Variants in PLEKHG1 observed in about 807,000 individuals in gnomAD.
PLEKHG1 encodes pleckstrin homology and RhoGEF domain containing G1.
Under a neutral mutation model 100.8 loss-of-function variants are expected in PLEKHG1, and 44 were observed. That is an observed-to-expected ratio of 0.44 (90% CI 0.34 to 0.56). PLEKHG1 has a LOEUF of 0.56. Ranked by LOEUF, PLEKHG1 falls within the 20% of genes least tolerant of loss-of-function variation. The pLI is 0.01. For missense variants in PLEKHG1, 1,545 were observed against 1,720.9 expected (o/e 0.90, Z 1.81); for synonymous variants, 640 against 662.5 (o/e 0.97, Z 0.52).
In PLEKHG1 at chr6:150,800,709, C is replaced by A; in HGVS notation, c.630-10C>A. Reference sequence around the variant, plus strand: ...TACAATTTAGATAAAAACATGGACTCTTCCTGCAGGTCCGTGGCTGTGCTA... The same window carrying A: ...TACAATTTAGATAAAAACATGGACTATTCCTGCAGGTCCGTGGCTGTGCTA... On this transcript the variant is annotated splice_polypyrimidine_tract_variant and intron_variant, in intron 5 of 15. Coordinates refer to ENST00000358517, the Ensembl canonical transcript of PLEKHG1. The A allele has an allele frequency of 6.2e-7, 1 of 1,612,094 alleles. No individual in the cohort carries two copies. Among genetic ancestry groups the A allele is most frequent in the Non-Finnish European group, 8.5e-7 (1 of 1,178,828 alleles).
Position 150,599,999 on chromosome 6 carries a change from C to T in PLEKHG1, c.-222C>T, listed in dbSNP as rs1776261208. The T allele has an allele frequency of 8.4e-6, 2 of 238,564 alleles. No individual in the cohort carries two copies. The highest frequency in any genetic ancestry group is 1.8e-5 in the Non-Finnish European group (2 of 111,292). The allele number at this position is 238,564 out of a possible 1,614,324, so 14.8% of individuals were successfully genotyped here. A position where few individuals can be genotyped will look rare whatever the true frequency, so the allele number is the denominator to read the frequency against. On this transcript the variant is annotated 5_prime_UTR_variant, in exon 1 of 4. An upstream open reading frame in the 5' UTR gains an earlier in-frame stop. Coordinates refer to the PLEKHG1 transcript ENST00000367326. ...GACCTGCGAGCGCCGCCCGGGCATGCGAAGCCGTCCCTCCCCGGGTAAGCG... is the reference window on the plus strand; with the variant it reads ...GACCTGCGAGCGCCGCCCGGGCATGTGAAGCCGTCCCTCCCCGGGTAAGCG...
chr6:150,753,433 C>T (rs968903659), intron 2 of PLEKHG1, among the ~76,000 whole-genome samples: 4 of 152,156 alleles, frequency 2.6e-5, no homozygotes, highest in Non-Finnish European at 4.4e-5. Context: ...ATGGGGCTTA[C>T]GGTGATGCCC....
chr6:150,603,012 G>A (rs551755782), intron 1 of PLEKHG1, among the ~76,000 whole-genome samples: 52 of 146,890 alleles, frequency 3.5e-4, no homozygotes, highest in Middle Eastern at 3.6e-3. Flanking sequence ...ACCCCGGGGG[G>A]CGGAGCCTGC....
intron 2 of PLEKHG1, among the ~76,000 whole-genome samples, chr6:150,759,264 A>T (rs1261188805): frequency 1.3e-5 from 2 of 152,214 alleles, no homozygotes; most frequent in Non-Finnish European, 2.9e-5. Flanking sequence ...ATATGAAAAC[A>T]TGAAGGCAGT....
At chr6:150,780,278 G>A (rs1288857631) in intron 3 of PLEKHG1, among the ~76,000 whole-genome samples, 1 of 151,598 alleles carries the variant, frequency 6.6e-6, no homozygotes, top group Non-Finnish European at 1.5e-5. Flanking sequence ...ACCACACCTG[G>A]CTAATTTTTG....
rs529328365 is a variant in PLEKHG1 at position 150,721,534 on chromosome 6, C to CT, written c.-99+335dup. ...GATGTATCTGACTCTGGGGAGAACT[C>CT]TAAAATCCTCAGTTGTCACGCGCCG... On this transcript the variant is annotated intron_variant, in intron 1 of 15. Coordinates refer to ENST00000358517, the Ensembl canonical transcript of PLEKHG1. Among the ~76,000 whole-genome samples the CT allele has an allele frequency of 1.2e-3, 181 of 152,306 alleles. No individual in the cohort carries two copies. The Middle Eastern group carries it at 0.014, about 11-fold the overall frequency.
chr6:150,805,699 G>T (rs1001700905), intron 7 of PLEKHG1, among the ~76,000 whole-genome samples: 1 of 151,912 alleles, frequency 6.6e-6, no homozygotes, highest in Non-Finnish European at 1.5e-5. Flanking sequence ...GGCTCATTTT[G>T]TATTTTTAGT....
At position 150,650,078 on chromosome 6, in the gene PLEKHG1, GA is replaced by G. The variant is rs530126034; in HGVS notation, c.-157-640del. On this transcript the variant is annotated intron_variant, in intron 2 of 3. Coordinates refer to the PLEKHG1 transcript ENST00000367326. ...TGTCTCAAAAAAAAAAAAAAAGAAAGAAAAAAAAAACCAAAACAGTGACCAG... is the reference window on the plus strand; with the variant it reads ...TGTCTCAAAAAAAAAAAAAAAGAAAGAAAAAAAAACCAAAACAGTGACCAG... Among the ~76,000 whole-genome samples the G allele has an allele frequency of 7.2e-3, 1,019 of 140,612 alleles. 13 individuals carry two copies. The highest frequency in any genetic ancestry group is 0.023 in the African/African-American group (877 of 38,490). The allele number at this position is 140,612 out of a possible 152,430, so 92.2% of individuals were successfully genotyped here. A position where few individuals can be genotyped will look rare whatever the true frequency, so the allele number is the denominator to read the frequency against.
chr6:150,817,502 C>T (rs1444500180), intron 10 of PLEKHG1, among the ~76,000 whole-genome samples: 2 of 151,452 alleles, frequency 1.3e-5, no homozygotes, highest in East Asian at 1.9e-4. Context: ...TACCAGGCTC[C>T]GTGCCTTGAG....
intron 14 of PLEKHG1, among the ~76,000 whole-genome samples, chr6:150,830,013 G>A (rs1024981296): frequency 6.6e-6 from 1 of 152,166 alleles, no homozygotes; most frequent in African/African-American, 2.4e-5. Flanking sequence ...ATGAATATTT[G>A]CCAAATGTAC....
intron 3 of PLEKHG1, among the ~76,000 whole-genome samples, chr6:150,661,469 C>T (rs898780439): frequency 1.3e-5 from 2 of 152,066 alleles, no homozygotes; most frequent in African/African-American, 4.8e-5. Flanking sequence ...TGGATTCTTT[C>T]CTTGTTAGAC....
chr6:150,614,444 A>T (rs886997587), intron 1 of PLEKHG1, among the ~76,000 whole-genome samples: 3 of 152,228 alleles, frequency 2.0e-5, no homozygotes, highest in Non-Finnish European at 2.9e-5. Context: ...ATGAACATGT[A>T]ATAATAATGG....
At chr6:150,720,288 T>C (rs1781611706), upstream of PLEKHG1, among the ~76,000 whole-genome samples, 1 of 152,218 alleles carries the variant, frequency 6.6e-6, no homozygotes, top group Non-Finnish European at 1.5e-5. Context: ...TATAGCATTT[T>C]AAGAAGGACT....
At chr6:150,731,962 CTT>C (rs34542836) in intron 1 of PLEKHG1, among the ~76,000 whole-genome samples, 57 of 134,394 alleles carry the variant, frequency 4.2e-4, no homozygotes, top group African/African-American at 1.3e-3. Context: ...TATTAAGTGA[CTT>C]TTTTTTTTTT....
At chr6:150,821,227 A>T (rs375595416) in exon 13 of PLEKHG1, 1 of 1,609,390 alleles carries the variant, frequency 6.2e-7, no homozygotes, top group Non-Finnish European at 8.5e-7. Flanking sequence ...AGTTTTGAAG[A>T]CCAGTGGTAA....
At chr6:150,751,641 CTTAA>C (rs1336693299) in intron 2 of PLEKHG1, among the ~76,000 whole-genome samples, 1 of 152,128 alleles carries the variant, frequency 6.6e-6, no homozygotes, top group Non-Finnish European at 1.5e-5. Context: ...TTAAAATAAG[CTTAA>C]TTATTTGGTT....
chr6:150,831,394 G>A lies in PLEKHG1; in HGVS notation c.2283G>A (p.Lys761=). 1 of 1,614,144 alleles carries A rather than the reference G, an allele frequency of 6.2e-7. No individual in the cohort carries two copies. The highest frequency in any genetic ancestry group is 8.5e-7 in the Non-Finnish European group (1 of 1,180,048). Reference sequence around the variant, plus strand: ...TGGGTTTTAAGTGCAGCAGCCTAAAGCGTGCAAAGCGGAGCACCTTTTTGG... The same window carrying A: ...TGGGTTTTAAGTGCAGCAGCCTAAAACGTGCAAAGCGGAGCACCTTTTTGG... Residue 761 remains lysine (K), a synonymous_variant, in exon 15 of 16, where the codon AAG becomes AAA. Coordinates refer to ENST00000358517, the Ensembl canonical transcript of PLEKHG1. The surrounding 1 kb of genome is among the most constrained non-coding windows in gnomAD (Gnocchi z 4.1).
At chr6:150,771,249 C>T (rs1784700604) in intron 3 of PLEKHG1, among the ~76,000 whole-genome samples, 1 of 152,082 alleles carries the variant, frequency 6.6e-6, no homozygotes, top group Admixed American at 6.5e-5. Flanking sequence ...CCTATCTCTA[C>T]TAAAAAATAC....
chr6:150,644,334 G>GTTTTGTTTTTTTTTT (rs1554255839), intron 2 of PLEKHG1, among the ~76,000 whole-genome samples: 2 of 117,602 alleles, frequency 1.7e-5, no homozygotes, highest in African/African-American at 7.0e-5. Context: ...TTCTTTTCGT[G>GTTTTGTTTTTTTTTT]TTTTTTTTTT....
Sources: gnomAD v4.1 joint callset for allele counts (sites outside exome capture counted in the v4.1 genomes callset) on GRCh38, gnomAD v4.1.1 for gene constraint, Gnocchi (gnomAD v3.1) non-coding constraint, MANE v1.5 for transcripts, NCBI Gene and HGNC (gene_info 2026-07-23, HGNC 2026-07-21) for gene names.